Variants in CFTR observed in about 807,000 individuals in gnomAD.
CFTR encodes the protein cystic fibrosis transmembrane conductance regulator.
A neutral mutation model predicts 171.6 loss-of-function variants in CFTR; 181 were observed. That is an observed-to-expected ratio of 1.05 (90% CI 0.93 to 1.19). The LOEUF (loss-of-function observed/expected upper bound fraction) is 1.19, where lower values mean the gene tolerates loss of function less well. Ranked by LOEUF, CFTR falls within the 50% of genes most tolerant of loss-of-function variation. The pLI, the probability that CFTR is intolerant of heterozygous loss-of-function variation, is 0.00. For missense variants in CFTR, 1,968 were observed against 1,734.7 expected, an observed-to-expected ratio of 1.13 and a Z score of -2.39; for synonymous variants, 583 against 608.0, an observed-to-expected ratio of 0.96 and a Z score of 0.60.
intron 22 of CFTR, among the ~76,000 whole-genome samples, chr7:117,628,377 A>T (rs1479253481): frequency 5.9e-5 from 9 of 152,176 alleles, no homozygotes; most frequent in Non-Finnish European, 1.3e-4. Flanking sequence ...ATTCTTGGAG[A>T]CAGGGATGGT....
At chr7:117,612,023 G>GTATATATATATATATATATATATGTA (rs1792402253) in intron 20 of CFTR, among the ~76,000 whole-genome samples, 18 of 53,218 alleles carry the variant, frequency 3.4e-4, no homozygotes, top group Non-Finnish European at 4.8e-4. Flanking sequence ...ATATATATAT[G>GTATATATATATATATATATATATGTA]TATATATATA....
intron 18 of CFTR, among the ~76,000 whole-genome samples, chr7:117,607,150 C>A (rs1792312283): frequency 6.6e-6 from 1 of 152,156 alleles, no homozygotes. Flanking sequence ...GGGTGGGTTA[C>A]ACTTGAAACT....
chr7:117,524,563 T>C (rs562602023), intron 3 of CFTR, among the ~76,000 whole-genome samples: 50 of 152,310 alleles, frequency 3.3e-4, no homozygotes, highest in African/African-American at 1.1e-3. Context: ...AATGCAGATA[T>C]ATTTATAATT....
chr7:117,566,989 G>C (rs1485871565), intron 11 of CFTR, among the ~76,000 whole-genome samples: 1 of 152,104 alleles, frequency 6.6e-6, no homozygotes, highest in Non-Finnish European at 1.5e-5. Context: ...CCAGTCAATG[G>C]AACAGTAATA....
In CFTR at chr7:117,614,605, A is replaced by C. The variant is rs1792455044; in HGVS notation, c.3368-8A>C. 1.3e-6 allele frequency: 2 copies of C among 1,580,522 alleles called. No individual in the cohort carries two copies. Among genetic ancestry groups the C allele is most frequent in the East Asian group, 2.2e-5 (1 of 44,622 alleles). On this transcript the variant is annotated splice_polypyrimidine_tract_variant and splice_region_variant and intron_variant, in intron 20 of 26. Coordinates refer to ENST00000003084, the MANE Select transcript of CFTR (RefSeq NM_000492.4). ...TGAGGTTCATTTACGTCTTTTGTGCATCTATAGGAGAAGGAGAAGGAAGAG... is the reference window on the plus strand; with the variant it reads ...TGAGGTTCATTTACGTCTTTTGTGCCTCTATAGGAGAAGGAGAAGGAAGAG...
At chr7:117,508,371 A>G (rs1030461092) in intron 2 of CFTR, among the ~76,000 whole-genome samples, 4 of 152,260 alleles carry the variant, frequency 2.6e-5, no homozygotes, top group African/African-American at 7.2e-5. Flanking sequence ...AAAGTTTACT[A>G]GATTTCAGCC....
chr7:117,665,232 T>C (rs1482193907), intron 25 of CFTR, among the ~76,000 whole-genome samples: 1 of 152,232 alleles, frequency 6.6e-6, no homozygotes, highest in Non-Finnish European at 1.5e-5. Flanking sequence ...AATGTACTCA[T>C]TTATTAAAGT....
chr7:117,649,829 G>A (rs948379273), intron 23 of CFTR, among the ~76,000 whole-genome samples: 1 of 152,062 alleles, frequency 6.6e-6, no homozygotes, highest in African/African-American at 2.4e-5. Context: ...TGAGTATTAT[G>A]AGACCATATG....
At chr7:117,579,760 C>T (rs1791824208) in intron 11 of CFTR, among the ~76,000 whole-genome samples, 1 of 147,872 alleles carries the variant, frequency 6.8e-6, no homozygotes, top group Non-Finnish European at 1.5e-5. Context: ...AACAGAAAAG[C>T]CAGAAATGGA....
At chr7:117,564,503 T>C (rs1318532422) in intron 11 of CFTR, 1 of 157,202 alleles carries the variant, frequency 6.4e-6, no homozygotes, top group East Asian at 1.9e-4. Flanking sequence ...TCATAAGAAC[T>C]TGAAATACCT....
intron 22 of CFTR, among the ~76,000 whole-genome samples, chr7:117,635,295 T>G (rs908884440): frequency 1.3e-5 from 2 of 152,160 alleles, no homozygotes; most frequent in Non-Finnish European, 2.9e-5. Context: ...TGACTTAACT[T>G]TCTTTATCCC....
rs369262389 is a variant in CFTR, at chr7:117,544,431, C to G, written c.1209+2323C>G. On this transcript the variant is annotated intron_variant, in intron 9 of 26. Coordinates refer to ENST00000003084, the MANE Select transcript of CFTR (RefSeq NM_000492.4). ...GTCTTTTCTCAGGATCTGTTCACCC[C>G]CAGTAGATAGCCTTGTCTCCCACAA... 3.3e-5 allele frequency among the ~76,000 whole-genome samples: 5 copies of G among 152,158 alleles called. No individual in the cohort carries two copies. The East Asian group carries it at 7.7e-4, about 23-fold the overall frequency.
intron 15 of CFTR, among the ~76,000 whole-genome samples, chr7:117,602,453 CAG>C (rs1422910848): frequency 6.6e-6 from 1 of 152,166 alleles, no homozygotes; most frequent in Non-Finnish European, 1.5e-5. Flanking sequence ...TTATAGCAAA[CAG>C]ATTAATTATC....
chr7:117,493,766 T>C (rs1250419803), intron 1 of CFTR, among the ~76,000 whole-genome samples: 1 of 152,114 alleles, frequency 6.6e-6, no homozygotes, highest in Non-Finnish European at 1.5e-5. Context: ...TCTTGAGGGT[T>C]AAGTAATAAC....
Position 117,488,293 on chromosome 7 carries a change from A to G in CFTR, c.53+8146A>G, listed in dbSNP as rs189226909. 1.8e-3 allele frequency among the ~76,000 whole-genome samples: 280 copies of G among 152,246 alleles called. 3 individuals are homozygous for G. The highest frequency in any genetic ancestry group is 0.013 in the Admixed American group (195 of 15,274). ...TTAAATTCTATTGCAATATGCTTTA[A>G]AAGATACAGTTTTTAGTCTTTCTTA... On this transcript the variant is annotated intron_variant, in intron 1 of 26. Transcript: ENST00000003084.
chr7:117,633,912 A>C (rs1792788719), intron 22 of CFTR, among the ~76,000 whole-genome samples: 1 of 152,012 alleles, frequency 6.6e-6, no homozygotes, highest in African/African-American at 2.4e-5. Flanking sequence ...ATACTTTTTG[A>C]GAATTTTTGC....
intron 8 of CFTR, among the ~76,000 whole-genome samples, chr7:117,541,009 A>G (rs544916395): frequency 6.6e-6 from 1 of 152,306 alleles, no homozygotes; most frequent in East Asian, 1.9e-4. Flanking sequence ...TAACTAGTCA[A>G]CTGCGTCCTC....
At chr7:117,524,392 G>GAAA (rs541815578) in intron 3 of CFTR, among the ~76,000 whole-genome samples, 1 of 113,158 alleles carries the variant, frequency 8.8e-6, no homozygotes, top group Non-Finnish European at 1.9e-5. Flanking sequence ...CACTAGTCAT[G>GAAA]AAAAAAAAAA....
At chr7:117,585,090 C>T (rs2116010319) in intron 11 of CFTR, among the ~76,000 whole-genome samples, 1 of 152,040 alleles carries the variant, frequency 6.6e-6, no homozygotes, top group South Asian at 2.1e-4. Context: ...CTTCAGTATT[C>T]TTGTCCTTTT....
Sources: gnomAD v4.1 joint callset for allele counts (sites outside exome capture counted in the v4.1 genomes callset) on GRCh38, gnomAD v4.1.1 for gene constraint, MANE v1.5 for transcripts, NCBI Gene and HGNC (gene_info 2026-07-23, HGNC 2026-07-21) for gene names.